ADARB2: variants seen among roughly 807,000 people sequenced by gnomAD.
The protein encoded by ADARB2 is adenosine deaminase RNA specific B2 (inactive), also known as inactive double-stranded RNA-specific editase B2.
In ADARB2, 25 loss-of-function variants were observed where a neutral mutation model predicts 62.2. The observed-to-expected ratio is 0.40, with a 90% CI of 0.29 to 0.56. The LOEUF is 0.56. Ranked by LOEUF, ADARB2 falls within the 20% of genes least tolerant of loss-of-function variation. The probability of loss-of-function intolerance (pLI) is 0.43; values close to 1 mark genes in which losing one functional copy is unlikely to be tolerated. For synonymous variants in ADARB2, 572 were observed against 500.8 expected (o/e 1.14, Z -1.90); for missense variants, 1,071 against 1,077.4 (o/e 0.99, Z 0.08).
At chr10:1,229,109 A>G (rs899075778) in intron 6 of ADARB2, among the ~76,000 whole-genome samples, 1 of 152,246 alleles carries the variant, frequency 6.6e-6, no homozygotes, top group African/African-American at 2.4e-5. Context: ...AGCAGGTGAC[A>G]CAGCTCCCAA....
intron 5 of ADARB2, among the ~76,000 whole-genome samples, chr10:1,240,758 T>C (rs577812783): frequency 2.0e-5 from 3 of 152,338 alleles, no homozygotes; most frequent in African/African-American, 7.2e-5. Flanking sequence ...AACCAGCTCC[T>C]GGTAAATATT....
chr10:1,353,152 A>G (rs1832160176), intron 3 of ADARB2, among the ~76,000 whole-genome samples: 4 of 152,134 alleles, frequency 2.6e-5, no homozygotes, highest in Non-Finnish European at 5.9e-5. Flanking sequence ...GCCCCCGCCT[A>G]GGACTGGCAA....
At chr10:1,517,916 G>A (rs916753323) in intron 1 of ADARB2, among the ~76,000 whole-genome samples, 4 of 152,146 alleles carry the variant, frequency 2.6e-5, no homozygotes, top group Non-Finnish European at 5.9e-5. Context: ...CAGCCCCAAA[G>A]CACGGGACAG....
At chr10:1,728,332 T>G (rs1835191904) in intron 1 of ADARB2, among the ~76,000 whole-genome samples, 1 of 152,226 alleles carries the variant, frequency 6.6e-6, no homozygotes, top group African/African-American at 2.4e-5. Flanking sequence ...TCTTTTTCAT[T>G]GCCTCCCAAA....
chr10:1,630,173 T>G (rs567562333), intron 1 of ADARB2, among the ~76,000 whole-genome samples: 1 of 152,292 alleles, frequency 6.6e-6, no homozygotes, highest in East Asian at 1.9e-4. Flanking sequence ...CTTTATACAT[T>G]TAGCAAACAT....
intron 1 of ADARB2, among the ~76,000 whole-genome samples, chr10:1,547,486 G>A (rs1356021952): frequency 3.9e-5 from 3 of 77,656 alleles, no homozygotes; most frequent in Admixed American, 2.9e-4. Context: ...ACTGGCGTAT[G>A]CACTGTGGGG....
At chr10:1,224,311 C>T (rs1830724196) in intron 6 of ADARB2, among the ~76,000 whole-genome samples, 1 of 152,122 alleles carries the variant, frequency 6.6e-6, no homozygotes. Flanking sequence ...TGATTCTTCT[C>T]TCTTTTCTTC....
intron 3 of ADARB2, among the ~76,000 whole-genome samples, chr10:1,346,684 C>T (rs1047915772): frequency 6.6e-6 from 1 of 152,250 alleles, no homozygotes; most frequent in East Asian, 1.9e-4. Flanking sequence ...GGCAGAGATG[C>T]CAGGGGTGCC....
At position 1,608,048 on chromosome 10, in the gene ADARB2, G is replaced by T. The variant is rs898126412; in HGVS notation, c.100+129003C>A. 4.6e-5 allele frequency among the ~76,000 whole-genome samples: 7 copies of T among 152,214 alleles called. No individual in the cohort carries two copies. The East Asian group carries it at 1.3e-3, about 29-fold the overall frequency. On this transcript the variant is annotated intron_variant, in intron 1 of 9. Transcript: ENST00000381312. Reference sequence around the variant, plus strand: ...CAGCATCCACTGGAAACTGACGTAGGTTTCAGGGGGATTCTGAAAGAAGGG... The same window carrying T: ...CAGCATCCACTGGAAACTGACGTAGTTTTCAGGGGGATTCTGAAAGAAGGG...
At chr10:1,635,576 C>T (rs761593429) in intron 1 of ADARB2, among the ~76,000 whole-genome samples, 1 of 152,108 alleles carries the variant, frequency 6.6e-6, no homozygotes, top group Admixed American at 6.5e-5. Context: ...GTGATTGCCC[C>T]GCCCACTCTG....
intron 1 of ADARB2, among the ~76,000 whole-genome samples, chr10:1,432,708 A>G (rs1042007685): frequency 2.6e-5 from 4 of 151,916 alleles, no homozygotes; most frequent in African/African-American, 4.8e-5. Flanking sequence ...AGTATGCTTA[A>G]TATGAATATG....
At chr10:1,686,952 C>A (rs1297423642) in intron 1 of ADARB2, among the ~76,000 whole-genome samples, 1 of 151,254 alleles carries the variant, frequency 6.6e-6, no homozygotes, top group Non-Finnish European at 1.5e-5. Flanking sequence ...TATTTGTATC[C>A]TATGGCCTAC....
At chr10:1,251,226 C>A (rs1366653406) in intron 4 of ADARB2, among the ~76,000 whole-genome samples, 2 of 152,180 alleles carry the variant, frequency 1.3e-5, no homozygotes, top group East Asian at 3.9e-4. Context: ...TACATTCAGA[C>A]AATGGAATAT....
At chr10:1,579,940 TC>T (rs1424199412) in intron 1 of ADARB2, among the ~76,000 whole-genome samples, 1 of 152,106 alleles carries the variant, frequency 6.6e-6, no homozygotes, top group Non-Finnish European at 1.5e-5. Context: ...ACTCAGGGGC[TC>T]CCTTTTGAAG....
chr10:1,510,158 T>TTC (rs755265083), intron 1 of ADARB2, among the ~76,000 whole-genome samples: 1 of 145,538 alleles, frequency 6.9e-6, no homozygotes, highest in African/African-American at 2.6e-5. Context: ...CTTTCTTTCT[T>TTC]TCTTTCTTTC....
chr10:1,514,076 A>G (rs1332801205), intron 1 of ADARB2, among the ~76,000 whole-genome samples: 1 of 150,198 alleles, frequency 6.7e-6, no homozygotes, highest in Non-Finnish European at 1.5e-5. Context: ...CAAACAAAAA[A>G]TTAGCCAGGC....
At chr10:1,678,591 G>A (rs1377736322) in intron 1 of ADARB2, among the ~76,000 whole-genome samples, 1 of 151,994 alleles carries the variant, frequency 6.6e-6, no homozygotes, top group Non-Finnish European at 1.5e-5. Flanking sequence ...AGCTTGAAAA[G>A]ACTTGGGGGT....
intron 8 of ADARB2, among the ~76,000 whole-genome samples, chr10:1,190,923 G>C (rs1020693626): frequency 6.6e-6 from 1 of 152,226 alleles, no homozygotes; most frequent in African/African-American, 2.4e-5. Flanking sequence ...TTCGGGACTG[G>C]TCTAAGGACG....
intron 1 of ADARB2, among the ~76,000 whole-genome samples, chr10:1,493,776 T>G (rs1831652128): frequency 9.1e-6 from 1 of 109,396 alleles, no homozygotes. Context: ...TTTTTTTTTT[T>G]GAGATAGGGT....
Sources: gnomAD v4.1 joint callset for allele counts (sites outside exome capture counted in the v4.1 genomes callset) on GRCh38, gnomAD v4.1.1 for gene constraint, MANE v1.5 for transcripts, NCBI Gene and HGNC (gene_info 2026-07-23, HGNC 2026-07-21) for gene names.